The following PLCB1 variants were observed in gnomAD, a reference collection of about 807,000 sequenced individuals.
PLCB1 encodes phospholipase C beta 1, also known as 1-phosphatidylinositol 4,5-bisphosphate phosphodiesterase beta-1.
PLCB1 carries 46 observed loss-of-function variants against 161.8 expected under a neutral mutation model. The observed-to-expected ratio is 0.28, with a 90% CI of 0.22 to 0.36. The LOEUF (loss-of-function observed/expected upper bound fraction) is 0.36. Ranked by LOEUF, PLCB1 falls within the 10% of genes least tolerant of loss-of-function variation. The pLI, the probability that PLCB1 is intolerant of heterozygous loss-of-function variation, is 1.00. For missense variants in PLCB1, 1,016 were observed against 1,472.5 expected (o/e 0.69, Z 5.07); for synonymous variants, 517 against 503.7 (o/e 1.03, Z -0.35).
At chr20:8,277,050 G>A (rs1450793928) in intron 2 of PLCB1, among the ~76,000 whole-genome samples, 1 of 147,346 alleles carries the variant, frequency 6.8e-6, no homozygotes, top group South Asian at 2.2e-4. Context: ...TGCCAGGCTG[G>A]AGTGCAGTGG....
intron 1 of PLCB1, among the ~76,000 whole-genome samples, chr20:8,144,084 A>T (rs1341410797): frequency 6.6e-6 from 1 of 152,168 alleles, no homozygotes; most frequent in Non-Finnish European, 1.5e-5. Flanking sequence ...GATAAATGAT[A>T]TACTATGCTT....
chr20:8,314,905 C>A (rs1053047173), intron 2 of PLCB1, among the ~76,000 whole-genome samples: 3 of 152,102 alleles, frequency 2.0e-5, no homozygotes, highest in African/African-American at 7.2e-5. Context: ...TTATTTCAGT[C>A]ATATTTAATT....
intron 3 of PLCB1, among the ~76,000 whole-genome samples, chr20:8,537,642 A>G (rs1253110443): frequency 6.6e-6 from 1 of 152,170 alleles, no homozygotes; most frequent in Non-Finnish European, 1.5e-5. Context: ...CCATGAACAC[A>G]AAATGAATAT....
chr20:8,318,611 T>G (rs1029239658), intron 2 of PLCB1, among the ~76,000 whole-genome samples: 1 of 152,208 alleles, frequency 6.6e-6, no homozygotes, highest in Non-Finnish European at 1.5e-5. Flanking sequence ...GTTGAATGAT[T>G]ACCAATAATG....
chr20:8,384,330 G>T (rs1987355758), intron 3 of PLCB1, among the ~76,000 whole-genome samples: 1 of 151,634 alleles, frequency 6.6e-6, no homozygotes, highest in Non-Finnish European at 1.5e-5. Context: ...TGATACTTGT[G>T]CATGCTTCAC....
intron 3 of PLCB1, among the ~76,000 whole-genome samples, chr20:8,373,389 A>T (rs1362825877): frequency 6.6e-6 from 1 of 152,222 alleles, no homozygotes; most frequent in Non-Finnish European, 1.5e-5. Context: ...GAAGATAATG[A>T]TAATAATAAG....
intron 17 of PLCB1, among the ~76,000 whole-genome samples, chr20:8,727,981 A>C (rs1227571163): frequency 6.6e-6 from 1 of 152,150 alleles, no homozygotes; most frequent in Non-Finnish European, 1.5e-5. Flanking sequence ...TCTTTCATAA[A>C]ATTAACAGTA....
At chr20:8,742,240 G>A (rs1203500468) in intron 23 of PLCB1, among the ~76,000 whole-genome samples, 1 of 151,866 alleles carries the variant, frequency 6.6e-6, no homozygotes, top group African/African-American at 2.4e-5. Context: ...GATTATTAAG[G>A]GTGACACTAA....
At chr20:8,174,768 G>T (rs980635172) in intron 2 of PLCB1, among the ~76,000 whole-genome samples, 2 of 152,078 alleles carry the variant, frequency 1.3e-5, no homozygotes, top group Non-Finnish European at 2.9e-5. Context: ...ATTGTATTAG[G>T]CCAGGTGCAA....
At chr20:8,433,669 T>G (rs1980160477) in intron 3 of PLCB1, among the ~76,000 whole-genome samples, 1 of 146,098 alleles carries the variant, frequency 6.8e-6, no homozygotes, top group Non-Finnish European at 1.5e-5. Flanking sequence ...TGGCATAGAG[T>G]TAATGTTCAG....
At chr20:8,554,899 T>A (rs1985899816) in intron 3 of PLCB1, among the ~76,000 whole-genome samples, 1 of 152,146 alleles carries the variant, frequency 6.6e-6, no homozygotes. Flanking sequence ...GTGAAATTAC[T>A]GGGACGTGTA....
intron 3 of PLCB1, among the ~76,000 whole-genome samples, chr20:8,375,853 C>G (rs1401474520): frequency 1.3e-5 from 2 of 149,322 alleles, no homozygotes; most frequent in Non-Finnish European, 3.0e-5. Context: ...ACACCCATGA[C>G]TTTCCACCTT....
intron 26 of PLCB1, among the ~76,000 whole-genome samples, chr20:8,772,079 T>C (rs1345083746): frequency 7.4e-6 from 1 of 136,004 alleles, no homozygotes; most frequent in Non-Finnish European, 1.6e-5. Flanking sequence ...AGAGGTGGGG[T>C]CTCACTACCC....
At chr20:8,303,403 A>C in intron 2 of PLCB1, among the ~76,000 whole-genome samples, 1 of 152,212 alleles carries the variant, frequency 6.6e-6, no homozygotes, top group East Asian at 1.9e-4. Context: ...AGATGAATAT[A>C]GATTTTAAAA....
intron 3 of PLCB1, among the ~76,000 whole-genome samples, chr20:8,453,929 G>A (rs1439023184): frequency 6.6e-6 from 1 of 152,108 alleles, no homozygotes; most frequent in Non-Finnish European, 1.5e-5. Context: ...AGGTCATAAG[G>A]GTGGGCTCTG....
chr20:8,307,355 T>C lies in PLCB1; in HGVS notation c.178-64027T>C, dbSNP rs553400002. Among the ~76,000 whole-genome samples, 10 of 152,368 alleles carry C rather than the reference T, an allele frequency of 6.6e-5. No homozygotes were observed. The South Asian group carries it at 2.1e-3, about 32-fold the overall frequency. On this transcript the variant is annotated intron_variant, in intron 2 of 31. Coordinates refer to ENST00000338037, the MANE Select transcript of PLCB1 (RefSeq NM_015192.4). ...TCTGGTGTCAGCTTCAAATGAATTA[T>C]GGATACTGAACCTACAGAGGTAATG... is the stretch of plus-strand genomic sequence containing the variant.
At chr20:8,340,090 C>G (rs1568638032) in intron 2 of PLCB1, among the ~76,000 whole-genome samples, 1 of 152,210 alleles carries the variant, frequency 6.6e-6, no homozygotes, top group Non-Finnish European at 1.5e-5. Flanking sequence ...TGTTGTACTT[C>G]CTACATATGA....
rs1986877305 is a variant in PLCB1 at position 8,851,325 on chromosome 20, A to G, written c.3424-30297A>G. Among the ~76,000 whole-genome samples, 3 of 152,198 alleles carry G rather than the reference A, an allele frequency of 2.0e-5. 1 individual carries two copies. In the South Asian group the frequency reaches 6.2e-4, roughly 32 times the overall value. On this transcript the variant is annotated intron_variant, in intron 31 of 31. Coordinates refer to ENST00000338037, the MANE Select transcript of PLCB1 (RefSeq NM_015192.4). ...TTCCTCCTAAAGTCATTTGCATTTA[A>G]TAACTGCTAATTTCCTGTTATTCAA...
At chr20:8,449,400 G>C (rs918493118) in intron 3 of PLCB1, among the ~76,000 whole-genome samples, 2 of 152,190 alleles carry the variant, frequency 1.3e-5, no homozygotes, top group Non-Finnish European at 2.9e-5. Flanking sequence ...AAGTGCTGTA[G>C]ACAGTTAATT....
Sources: gnomAD v4.1 joint callset for allele counts (sites outside exome capture counted in the v4.1 genomes callset) on GRCh38, gnomAD v4.1.1 for gene constraint, MANE v1.5 for transcripts, NCBI Gene and HGNC (gene_info 2026-07-23, HGNC 2026-07-21) for gene names.